Variants in GVQW3 observed in about 807,000 individuals in gnomAD.
GVQW3 encodes GVQW motif containing 3, also known as protein GVQW3.
GVQW3 carries 7 observed loss-of-function variants against 12.5 expected under a neutral mutation model. That is an observed-to-expected ratio of 0.56 (90% CI 0.32 to 1.05). The LOEUF (loss-of-function observed/expected upper bound fraction) is 1.05, where lower values mean the gene tolerates loss of function less well. Among genes scored for constraint, GVQW3 ranks in the 50% least tolerant of loss-of-function variants. The probability of loss-of-function intolerance (pLI) is 0.04; values close to 1 mark genes in which losing one functional copy is unlikely to be tolerated. For synonymous variants in GVQW3, 71 were observed against 67.2 expected, an observed-to-expected ratio of 1.06 and a Z score of -0.28; for missense variants, 188 against 190.8, an observed-to-expected ratio of 0.99 and a Z score of 0.09.
chr11:76,411,595 G>C (rs939410537), downstream of GVQW3: 5 of 152,142 alleles, frequency 3.3e-5, no homozygotes, highest in South Asian at 4.1e-4. Flanking sequence ...CTTCATCAAG[G>C]GTTAACCATA....
In GVQW3 at chr11:76,405,218, C is replaced by G. The variant is rs1947027951; in HGVS notation, c.*1460C>G. 1 of 152,172 alleles carries G rather than the reference C, an allele frequency of 6.6e-6. No individual in the cohort carries two copies. Among genetic ancestry groups the G allele is most frequent in the African/African-American group, 2.4e-5 (1 of 41,424 alleles). The allele number at this position is 152,172 out of a possible 1,614,324, so 9.4% of individuals were successfully genotyped here. ...GTTTCATCAGGAAAGCAAAAGCTCT[C>G]CCAGTAACTCCCAGCAGAGTTCTAC... is the stretch of plus-strand genomic sequence containing the variant. On this transcript the variant is annotated 3_prime_UTR_variant, in exon 2 of 2. Transcript: ENST00000529331.
At chr11:76,401,093 G>T (rs1304098925) in intron 1 of GVQW3, among the ~76,000 whole-genome samples, 1 of 150,308 alleles carries the variant, frequency 6.7e-6, no homozygotes, top group Admixed American at 6.6e-5. Flanking sequence ...AGCTGCTCTT[G>T]AACTCCTGGG....
intron 1 of GVQW3, among the ~76,000 whole-genome samples, chr11:76,401,596 A>C (rs1390319224): frequency 6.6e-6 from 1 of 151,976 alleles, no homozygotes; most frequent in African/African-American, 2.4e-5. Context: ...CAAATGGTGA[A>C]ACCTCGTCTC....
At chr11:76,413,776 T>C (rs1947097639) in exon 2 of GVQW3, 1 of 152,146 alleles carries the variant, frequency 6.6e-6, no homozygotes. Flanking sequence ...TTTGCTATCT[T>C]TTACTTAAGT....
exon 2 of GVQW3, chr11:76,414,222 C>T (rs1460819561): frequency 6.6e-6 from 1 of 152,178 alleles, no homozygotes; most frequent in African/African-American, 2.4e-5. Flanking sequence ...CCACCCTTGC[C>T]CAAGAATATT....
intron 1 of GVQW3, among the ~76,000 whole-genome samples, chr11:76,388,978 C>A (rs1367826655): frequency 2.0e-5 from 3 of 152,248 alleles, no homozygotes; most frequent in Non-Finnish European, 4.4e-5. Flanking sequence ...ATGTTTAGAT[C>A]CTCTGATCCT....
chr11:76,398,833 A>G (rs1946962524), intron 1 of GVQW3, among the ~76,000 whole-genome samples: 1 of 152,158 alleles, frequency 6.6e-6, no homozygotes. Context: ...TGTGAGGTAA[A>G]CTAACTGTCT....
At position 76,407,874 on chromosome 11, in the gene GVQW3, AAGAT is replaced by A. The variant is rs1947056996; in HGVS notation, c.*4119_*4122del. 1 of 152,142 alleles carries A rather than the reference AAGAT, an allele frequency of 6.6e-6. No individual in the cohort carries two copies. Among genetic ancestry groups the A allele is most frequent in the South Asian group, 2.1e-4 (1 of 4,836 alleles). The allele number at this position is 152,142 out of a possible 1,614,324, so 9.4% of individuals were successfully genotyped here. A position where few individuals can be genotyped will look rare whatever the true frequency, so the allele number is the denominator to read the frequency against. On this transcript the variant is annotated 3_prime_UTR_variant, in exon 2 of 2. Transcript: ENST00000529331. Reference sequence around the variant, plus strand: ...AATGATGTTTGAAGATGTTCACAATAAGATAGGTGATAAAACAGACTATAAAACC... The same window carrying A: ...AATGATGTTTGAAGATGTTCACAATAAGGTGATAAAACAGACTATAAAACC...
chr11:76,407,047 A>C lies in GVQW3; in HGVS notation c.*3289A>C, dbSNP rs1947046967. On this transcript the variant is annotated 3_prime_UTR_variant, in exon 2 of 2. Coordinates refer to ENST00000529331, the MANE Select transcript of GVQW3 (RefSeq NM_001347885.2). ...ATAAAATAAAATAAATAAATAAATA[A>C]ATATGCCCTCCCAGGTTGACATCTT... 1 of 152,004 alleles carries C rather than the reference A, an allele frequency of 6.6e-6. No homozygotes were observed. The highest frequency in any genetic ancestry group is 2.1e-4 in the South Asian group (1 of 4,826). The allele number at this position is 152,004 out of a possible 1,614,324, so 9.4% of individuals were successfully genotyped here.
At chr11:76,388,053 C>T (rs1946853853) in intron 1 of GVQW3, among the ~76,000 whole-genome samples, 1 of 152,144 alleles carries the variant, frequency 6.6e-6, no homozygotes, top group Non-Finnish European at 1.5e-5. Context: ...CTGTTTTTGA[C>T]TAAAAATGAT....
intron 1 of GVQW3, among the ~76,000 whole-genome samples, chr11:76,394,554 G>C (rs762466269): frequency 5.9e-5 from 9 of 152,138 alleles, no homozygotes; most frequent in Non-Finnish European, 1.3e-4. Flanking sequence ...GCACTCCATT[G>C]TGTATATCTG....
chr11:76,400,434 T>G (rs144794254), intron 1 of GVQW3, among the ~76,000 whole-genome samples: 1,848 of 150,660 alleles, frequency 0.012, 41 homozygotes, highest in African/African-American at 0.043. Flanking sequence ...TTGTTTGTTT[T>G]TTTGAGATGG....
In GVQW3 at chr11:76,404,052, A is replaced by G. The variant is rs897800958; in HGVS notation, c.*294A>G. 1.8e-6 allele frequency: 1 copy of G among 566,844 alleles called. No homozygotes were observed. The highest frequency in any genetic ancestry group is 3.2e-6 in the Non-Finnish European group (1 of 308,176). The allele number at this position is 566,844 out of a possible 1,614,324, so 35.1% of individuals were successfully genotyped here. A position where few individuals can be genotyped will look rare whatever the true frequency, so the allele number is the denominator to read the frequency against. ...ACACACCCAGAAATAATGTTTTCCC[A>G]TCTATCTCAGTACCCCATGATCCAG... On this transcript the variant is annotated 3_prime_UTR_variant, in exon 2 of 2. Transcript: ENST00000529331.
chr11:76,383,238 G>T lies in GVQW3; in HGVS notation c.465+945G>T, dbSNP rs1008623197. On this transcript the variant is annotated intron_variant, in intron 1 of 1. Coordinates refer to ENST00000529331, the MANE Select transcript of GVQW3 (RefSeq NM_001347885.2). ...TGAATTAAGGGAGCCTGCTGCCTAT[G>T]TGCGGATTCCCACACAGCAGCCTGT... 2.0e-5 allele frequency: 3 copies of T among 152,238 alleles called. No homozygotes were observed. In the South Asian group the frequency reaches 6.2e-4, roughly 32 times the overall value. 9.4% of individuals were successfully genotyped at this position (152,238 alleles called of 1,614,324 possible). A position where few individuals can be genotyped will look rare whatever the true frequency, so the allele number is the denominator to read the frequency against.
intron 1 of GVQW3, among the ~76,000 whole-genome samples, chr11:76,403,016 C>T (rs776180156): frequency 4.4e-4 from 67 of 152,064 alleles, no homozygotes; most frequent in African/African-American, 7.5e-4. Flanking sequence ...GGCGCAATCT[C>T]GGCTCATTGC....
rs1185728443 is a variant in GVQW3 at position 76,405,892 on chromosome 11, G to A, written c.*2134G>A. The stretch of plus-strand genomic sequence containing the variant: ...GCCCAGGCTGGTCTTGAACTCCTGG[G>A]CTCCAGTGATCCTCCCCCTTCAGCC... On this transcript the variant is annotated 3_prime_UTR_variant, in exon 2 of 2. Coordinates refer to ENST00000529331, the MANE Select transcript of GVQW3 (RefSeq NM_001347885.2). The A allele has an allele frequency of 1.3e-5, 2 of 152,270 alleles. No homozygotes were observed. The highest frequency in any genetic ancestry group is 4.8e-5 in the African/African-American group (2 of 41,436). 9.4% of individuals were successfully genotyped at this position (152,270 alleles called of 1,614,324 possible). A position where few individuals can be genotyped will look rare whatever the true frequency, so the allele number is the denominator to read the frequency against.
chr11:76,382,179 T>G lies in GVQW3; in HGVS notation c.351T>G (p.Ile117Met). ...AAGAAAACTTGAACATGAGGAAGAT[T>G]TCTGCAAAAGTTATTTCGGGTGTTT... is the stretch of plus-strand genomic sequence containing the variant. ...ILKENLNMRK[I>M]SAKVISGVLK... The change falls in exon 1 of 2, where the codon ATT (isoleucine) becomes ATG (methionine). Residue 117 changes from isoleucine (I) to methionine (M), a missense_variant. Coordinates refer to ENST00000529331, the MANE Select transcript of GVQW3 (RefSeq NM_001347885.2). The G allele has an allele frequency of 6.5e-7, 1 of 1,536,202 alleles. No homozygotes were observed. Among genetic ancestry groups the G allele is most frequent in the Non-Finnish European group, 8.7e-7 (1 of 1,146,934 alleles).
intron 1 of GVQW3, among the ~76,000 whole-genome samples, chr11:76,385,976 C>T (rs1035712484): frequency 2.0e-5 from 3 of 152,180 alleles, no homozygotes; most frequent in Non-Finnish European, 4.4e-5. Context: ...GAAACTCCAC[C>T]TAACCACAAT....
At chr11:76,414,376 T>C (rs1947101437) in exon 2 of GVQW3, 1 of 152,090 alleles carries the variant, frequency 6.6e-6, no homozygotes, top group Non-Finnish European at 1.5e-5. Flanking sequence ...ACTTTTGTTA[T>C]AAGTGGTACC....
Sources: allele counts gnomAD v4.1 joint callset (sites outside exome capture counted in the v4.1 genomes callset), GRCh38; gene constraint gnomAD v4.1.1; transcripts MANE v1.5; gene names NCBI Gene and HGNC (gene_info 2026-07-23, HGNC 2026-07-21).